Variants in SLC37A1 observed in about 807,000 individuals in gnomAD.
SLC37A1 encodes the protein glucose-6-phosphate exchanger SLC37A1.
Under a neutral mutation model 75.3 loss-of-function variants are expected in SLC37A1, and 49 were observed. The ratio of observed to expected loss-of-function variants is 0.65; its 90% CI spans 0.52 to 0.83. The LOEUF is 0.83. Among genes scored for constraint, SLC37A1 ranks in the 40% least tolerant of loss-of-function variants. The pLI, the probability that SLC37A1 is intolerant of heterozygous loss-of-function variation, is 0.00. For missense variants in SLC37A1, 566 were observed against 695.0 expected (o/e 0.81, Z 2.09); for synonymous variants, 268 against 292.1 (o/e 0.92, Z 0.84).
intron 17 of SLC37A1, among the ~76,000 whole-genome samples, chr21:42,570,393 G>A (rs73375843): frequency 0.023 from 3,545 of 151,482 alleles, 175 homozygotes; most frequent in African/African-American, 0.081. Context: ...GACCAGCCTC[G>A]TCTCTGCCCT....
At chr21:42,563,683 C>G (rs990883986) in intron 12 of SLC37A1, 132 bp from the exon 13 acceptor site, 4 of 725,826 alleles carry the variant, frequency 5.5e-6, no homozygotes, top group African/African-American at 5.3e-5. Context: ...GAGTTAACTA[C>G]TAATTGCTCC....
intron 17 of SLC37A1, among the ~76,000 whole-genome samples, chr21:42,571,376 G>A (rs1325999264): frequency 6.6e-6 from 1 of 152,220 alleles, no homozygotes; most frequent in East Asian, 1.9e-4. Flanking sequence ...AATCGCAGAG[G>A]TTGCCGTTTC....
chr21:42,499,927 A>C (rs1304638386), intron 1 of SLC37A1, among the ~76,000 whole-genome samples: 1 of 152,176 alleles, frequency 6.6e-6, no homozygotes, highest in Non-Finnish European at 1.5e-5. Context: ...AACTGTTGAA[A>C]CCACCCTGGG....
intron 16 of SLC37A1, 151 bp downstream of exon 16, chr21:42,567,209 C>T: frequency 1.4e-6 from 1 of 717,072 alleles, no homozygotes; most frequent in East Asian, 2.7e-5. Flanking sequence ...AGCCTTCCCG[C>T]ACCTGCCCCG....
chr21:42,541,333 C>G (rs1466480933), intron 6 of SLC37A1, among the ~76,000 whole-genome samples: 4 of 152,154 alleles, frequency 2.6e-5, no homozygotes, highest in Admixed American at 1.3e-4. Flanking sequence ...GGACCCTGCT[C>G]TAGAGAGCTG....
intron 3 of SLC37A1, among the ~76,000 whole-genome samples, chr21:42,533,462 C>T (rs1177798531): frequency 6.6e-6 from 1 of 152,204 alleles, no homozygotes; most frequent in African/African-American, 2.4e-5. Flanking sequence ...ATTCTGTCTT[C>T]CTCAGTTTCC....
chr21:42,564,631 G>A lies in SLC37A1; in HGVS notation c.1136-77G>A, dbSNP rs1023598729. 10 of 1,167,396 alleles carry A rather than the reference G, an allele frequency of 8.6e-6. No individual in the cohort carries two copies. In the African/African-American group the frequency reaches 1.2e-4, roughly 14 times the overall value. 72.3% of individuals were successfully genotyped at this position (1,167,396 alleles called of 1,614,324 possible). ...GGGAAAGGAGGAGGCCGTTCTCCGAGCTCCTGCAGTTCTGCTTCCTCCCCG... is the reference window on the plus strand; with the variant it reads ...GGGAAAGGAGGAGGCCGTTCTCCGAACTCCTGCAGTTCTGCTTCCTCCCCG... On this transcript the variant is annotated intron_variant, in intron 13 of 19. Transcript: ENST00000352133.
At chr21:42,527,959 AAGT>A (rs932262266) in intron 3 of SLC37A1, among the ~76,000 whole-genome samples, 27 of 152,310 alleles carry the variant, frequency 1.8e-4, no homozygotes, top group African/African-American at 6.5e-4. Context: ...ACGAAACTGA[AAGT>A]AGTAGTGATT....
chr21:42,502,611 G>C (rs2054350180), intron 2 of SLC37A1: 1 of 152,140 alleles, frequency 6.6e-6, no homozygotes, highest in Admixed American at 6.5e-5. Context: ...ATCTGTATAT[G>C]TTGTTTTCTC....
chr21:42,506,783 C>T (rs1410429367), intron 2 of SLC37A1, among the ~76,000 whole-genome samples: 2 of 151,340 alleles, frequency 1.3e-5, no homozygotes, highest in Middle Eastern at 3.4e-3. Context: ...AGTCCCATGC[C>T]TTTTTTTTTG....
intron 11 of SLC37A1, among the ~76,000 whole-genome samples, chr21:42,561,066 A>G (rs1238276578): frequency 1.3e-5 from 2 of 152,224 alleles, no homozygotes; most frequent in Non-Finnish European, 2.9e-5. Context: ...ACTAAGCACA[A>G]TGCCAGGCCC....
In SLC37A1 at chr21:42,522,033, G is replaced by A. The variant is rs571412505; in HGVS notation, c.56+3523G>A. Among the ~76,000 whole-genome samples, 68 of 152,284 alleles carry A rather than the reference G, an allele frequency of 4.5e-4. 1 individual carries two copies. Among genetic ancestry groups the A allele is most frequent in the Admixed American group, 3.9e-3 (60 of 15,296 alleles). On this transcript the variant is annotated intron_variant, in intron 2 of 19. Coordinates refer to ENST00000352133, the MANE Select transcript of SLC37A1 (RefSeq NM_001320537.2). ...GCTCCTGCTGCTGCCGCCGTTCTTG[G>A]CTGGTGGCTGCATCACACCAGTCTC...
At chr21:42,507,927 G>A (rs2054398944) in intron 2 of SLC37A1, among the ~76,000 whole-genome samples, 1 of 152,062 alleles carries the variant, frequency 6.6e-6, no homozygotes, top group Admixed American at 6.5e-5. Flanking sequence ...ATTTGGAGGG[G>A]ACAAATACCC....
chr21:42,534,053 C>G (rs1169831546), intron 3 of SLC37A1, among the ~76,000 whole-genome samples: 2 of 152,214 alleles, frequency 1.3e-5, no homozygotes, highest in African/African-American at 4.8e-5. Flanking sequence ...TAGTCATCCT[C>G]TAGGTTAAGG....
At position 42,534,824 on chromosome 21, in the gene SLC37A1, C is replaced by T; in HGVS notation, c.265C>T (p.Pro89Ser). The T allele has an allele frequency of 6.2e-7, 1 of 1,613,532 alleles. No individual in the cohort carries two copies. Among genetic ancestry groups the T allele is most frequent in the Admixed American group, 1.7e-5 (1 of 59,980 alleles). The change falls in exon 4 of 20, where the codon CCG (proline) becomes TCG (serine). Residue 89 changes from proline to serine, a missense_variant. By Grantham distance (74) the Pro-to-Ser change is moderately conservative (BLOSUM62 -1). Transcript: ENST00000352133. ...PDNETDCGWAPFDKNNYQQLL... is the reference protein window; with the variant it reads ...PDNETDCGWASFDKNNYQQLL... The stretch of plus-strand genomic sequence containing the variant: ...CAATGAGACCGACTGTGGCTGGGCA[C>T]CGTTTGGTAAGTCGATTATCGGTCC...
intron 10 of SLC37A1, among the ~76,000 whole-genome samples, chr21:42,556,152 C>T (rs547565572): frequency 4.6e-5 from 7 of 152,210 alleles, no homozygotes; most frequent in African/African-American, 7.2e-5. Flanking sequence ...GAGAATGAGG[C>T]GCTGCTGTCA....
At chr21:42,568,902 G>T (rs969668484) in intron 17 of SLC37A1, among the ~76,000 whole-genome samples, 3 of 152,264 alleles carry the variant, frequency 2.0e-5, no homozygotes, top group Non-Finnish European at 4.4e-5. Flanking sequence ...TCCCCTTAGG[G>T]AGCAGGCAGG....
rs2056404349 is a variant in SLC37A1 at position 42,580,537 on chromosome 21, CAT to C, written c.*180_*181del. The C allele has an allele frequency of 9.1e-6, 6 of 660,846 alleles. No individual in the cohort carries two copies. The highest frequency in any genetic ancestry group is 3.7e-5 in the African/African-American group (2 of 54,708). The allele number at this position is 660,846 out of a possible 1,614,324, so 40.9% of individuals were successfully genotyped here. A position where few individuals can be genotyped will look rare whatever the true frequency, so the allele number is the denominator to read the frequency against. ...ACCCCTGGTGCTATTTTAAAGGAGACATATTGCTGAACAGCAGTGAGAAAAGT... is the reference window on the plus strand; with the variant it reads ...ACCCCTGGTGCTATTTTAAAGGAGACATTGCTGAACAGCAGTGAGAAAAGT... On this transcript the variant is annotated 3_prime_UTR_variant, in exon 20 of 20. Transcript: ENST00000352133.
upstream of SLC37A1, among the ~76,000 whole-genome samples, chr21:42,513,628 G>C (rs1194674140): frequency 1.3e-5 from 2 of 151,396 alleles, no homozygotes; most frequent in East Asian, 2.0e-4. Context: ...GGGAAGGCGC[G>C]GGCCATGACC....
Sources: gnomAD v4.1 joint callset for allele counts (sites outside exome capture counted in the v4.1 genomes callset) on GRCh38, gnomAD v4.1.1 for gene constraint, MANE v1.5 for transcripts, NCBI Gene and HGNC (gene_info 2026-07-23, HGNC 2026-07-21) for gene names.